Variants in TSBP1 observed in about 807,000 individuals in gnomAD.
TSBP1 encodes testis expressed basic protein 1.
TSBP1 carries 56 observed loss-of-function variants against 68.8 expected under a neutral mutation model. That is an observed-to-expected ratio of 0.81 (90% CI 0.66 to 1.02). TSBP1 has a LOEUF of 1.02. TSBP1 is among the 50% of genes least tolerant of loss of function. The probability of loss-of-function intolerance (pLI) is 0.00; values close to 1 mark genes in which losing one functional copy is unlikely to be tolerated. For missense variants in TSBP1, 502 were observed against 641.2 expected (o/e 0.78, Z 2.34); for synonymous variants, 171 against 208.7 (o/e 0.82, Z 1.56).
In TSBP1 at chr6:32,330,587, A is replaced by G. The variant is rs1768864894; in HGVS notation, c.514+2T>C. The G allele has an allele frequency of 6.2e-7, 1 of 1,608,588 alleles. No individual in the cohort carries two copies. The highest frequency in any genetic ancestry group is 8.5e-7 in the Non-Finnish European group (1 of 1,176,994). On this transcript the variant is annotated splice_donor_variant, in intron 16 of 22. Coordinates refer to ENST00000612031, the Ensembl canonical transcript of TSBP1. LOFTEE classifies it high-confidence loss of function. ...AGGGAGAAGGATAGATAAGGTACTT[A>G]CCATTGGATCCAGGATATTGTACTA...
intron 9 of TSBP1, among the ~76,000 whole-genome samples, chr6:32,347,417 A>G (rs1771167701): frequency 6.6e-6 from 1 of 152,206 alleles, no homozygotes; most frequent in Non-Finnish European, 1.5e-5. Context: ...GAAAAAATCC[A>G]TACCCATATA....
intron 7 of TSBP1, 93 bp from the exon 8 acceptor site, chr6:32,355,237 C>T (rs984770201): frequency 5.6e-5 from 75 of 1,337,536 alleles, no homozygotes; most frequent in Non-Finnish European, 7.9e-5. Flanking sequence ...ACCCCCTTCT[C>T]AGGAGTTAAA....
intron 6 of TSBP1, among the ~76,000 whole-genome samples, chr6:32,358,306 G>A (rs149929931): frequency 3.9e-5 from 6 of 152,204 alleles, no homozygotes; most frequent in South Asian, 4.2e-4. Context: ...AGAAATATGA[G>A]ATGTAAATGA....
rs1051312156 is a variant in TSBP1, at chr6:32,336,322, G to T, written c.430+293C>A. On this transcript the variant is annotated intron_variant, in intron 12 of 22. Transcript: ENST00000612031. This position sits in a 1 kb window ranked among gnomAD's most constrained non-coding sequence, Gnocchi z 5.2. ...TGACTATTTCTAAGAGGGCTGTTTT[G>T]GTTTATATTTTTAAATGTTAGCCTG... Among the ~76,000 whole-genome samples the T allele has an allele frequency of 3.3e-5, 5 of 152,062 alleles. No individual in the cohort carries two copies. The highest frequency in any genetic ancestry group is 1.2e-4 in the African/African-American group (5 of 41,378).
chr6:32,300,670 C>A lies in TSBP1; in HGVS notation c.622+10G>T. ...GAAATAGGTAAGGCAAGGAAATGAT[C>A]CAAACTTACTGATTTTTCCAGAACT... On this transcript the variant is annotated intron_variant, in intron 21 of 22. Transcript: ENST00000612031. 6.2e-7 allele frequency: 1 copy of A among 1,612,334 alleles called. No homozygotes were observed. The highest frequency in any genetic ancestry group is 8.5e-7 in the Non-Finnish European group (1 of 1,179,434).
intron 2 of TSBP1, among the ~76,000 whole-genome samples, chr6:32,369,511 C>T (rs1446518386): frequency 6.6e-6 from 1 of 151,900 alleles, no homozygotes; most frequent in African/African-American, 2.4e-5. Flanking sequence ...GCTAGGCTTA[C>T]AGTTACCTGC....
At position 32,323,139 on chromosome 6, in the gene TSBP1, TAA is replaced by T; in HGVS notation, c.539-4_539-3del. 6.3e-7 allele frequency: 1 copy of T among 1,575,648 alleles called. No individual in the cohort carries two copies. ...TACTTATGGGTGCCATGGGTGGACCTAAAAACCAAAGTAGATATTGGTGAAGA... is the reference window on the plus strand; with the variant it reads ...TACTTATGGGTGCCATGGGTGGACCTAAACCAAAGTAGATATTGGTGAAGA... On this transcript the variant is annotated splice_polypyrimidine_tract_variant and splice_region_variant and intron_variant, in intron 17 of 22. Transcript: ENST00000612031.
rs1259187167 is a variant in TSBP1 at position 32,357,761 on chromosome 6, A to C, written c.218-2092T>G. 1.3e-5 allele frequency among the ~76,000 whole-genome samples: 2 copies of C among 152,214 alleles called. No individual in the cohort carries two copies. Among genetic ancestry groups the C allele is most frequent in the Admixed American group, 1.3e-4 (2 of 15,280 alleles). On this transcript the variant is annotated intron_variant, in intron 6 of 22. Transcript: ENST00000612031. This position sits in a 1 kb window ranked among gnomAD's most constrained non-coding sequence, Gnocchi z 4.7. The stretch of plus-strand genomic sequence containing the variant: ...AGTTAAATATCATTCCAAGGTAGAT[A>C]GTCTGAGCAATTAGGTGAATACAGG...
chr6:32,309,209 C>G (rs570105270), intron 19 of TSBP1, among the ~76,000 whole-genome samples: 1 of 152,280 alleles, frequency 6.6e-6, no homozygotes, highest in East Asian at 1.9e-4. Flanking sequence ...CCTGGCCTCC[C>G]AAAGTGCAGG....
At chr6:32,295,911 C>T (rs1252974902) in intron 22 of TSBP1, among the ~76,000 whole-genome samples, 1 of 145,556 alleles carries the variant, frequency 6.9e-6, no homozygotes, top group African/African-American at 2.6e-5. Context: ...ATGGCACGAT[C>T]TCGGCTCACC....
intron 19 of TSBP1, among the ~76,000 whole-genome samples, chr6:32,308,171 AT>A (rs917464952): frequency 4.0e-5 from 6 of 151,784 alleles, no homozygotes; most frequent in African/African-American, 1.2e-4. Flanking sequence ...TATTTTTCTT[AT>A]TTTTTTATAG....
intron 1 of TSBP1, among the ~76,000 whole-genome samples, chr6:32,371,284 C>T (rs1451132345): frequency 2.0e-5 from 3 of 152,036 alleles, no homozygotes; most frequent in African/African-American, 4.8e-5. Flanking sequence ...GTCTGAAATG[C>T]CCTGTCTATA....
intron 8 of TSBP1, among the ~76,000 whole-genome samples, chr6:32,353,354 A>G (rs1158752293): frequency 6.6e-6 from 1 of 151,978 alleles, no homozygotes; most frequent in Non-Finnish European, 1.5e-5. Context: ...CGAAACAAAA[A>G]ACAAGTATGT....
At chr6:32,368,663 G>A (rs944034868) in intron 3 of TSBP1, 119 bp downstream of exon 3, 1 of 1,055,618 alleles carries the variant, frequency 9.5e-7, no homozygotes, top group African/African-American at 1.5e-5. Context: ...TTCAGTTCAT[G>A]CAATGGTGCA....
In TSBP1 at chr6:32,338,747, C is replaced by T. The variant is rs1769966210; in HGVS notation, c.409+232G>A. Among the ~76,000 whole-genome samples, 1 of 152,084 alleles carries T rather than the reference C, an allele frequency of 6.6e-6. No homozygotes were observed. Among genetic ancestry groups the T allele is most frequent in the African/African-American group, 2.4e-5 (1 of 41,414 alleles). ...TTTCACTTGACCATTTTTTGTTCTTCACTCTTTTCCCTTTGCTGTTGAATC... is the reference window on the plus strand; with the variant it reads ...TTTCACTTGACCATTTTTTGTTCTTTACTCTTTTCCCTTTGCTGTTGAATC... On this transcript the variant is annotated intron_variant, in intron 11 of 22. Coordinates refer to ENST00000612031, the Ensembl canonical transcript of TSBP1. The surrounding 1 kb of genome is among the most constrained non-coding windows in gnomAD (Gnocchi z 5.5).
At chr6:32,367,840 A>T in intron 4 of TSBP1, 85 bp downstream of exon 4, 1 of 1,007,980 alleles carries the variant, frequency 9.9e-7, no homozygotes. Flanking sequence ...GACTCAACAA[A>T]TCATGCTCAA....
In TSBP1 at chr6:32,327,654, C is replaced by CTTTTATTTTCTTTCTTTCTTTT. The variant is rs70993815; in HGVS notation, c.514+2934_514+2935insAAAAGAAAGAAAGAAAATAAAA. On this transcript the variant is annotated intron_variant, in intron 16 of 22. Transcript: ENST00000612031. ...CTTTTGTCAGTCTAATTTTCTTTTTCTTTTTTTTTTTCTTTTTGAGACAGA... is the reference window on the plus strand; with the variant it reads ...CTTTTGTCAGTCTAATTTTCTTTTTCTTTTATTTTCTTTCTTTCTTTTTTTTTTTTTTTCTTTTTGAGACAGA... Among the ~76,000 whole-genome samples, 91 of 147,046 alleles carry CTTTTATTTTCTTTCTTTCTTTT rather than the reference C, an allele frequency of 6.2e-4. 4 individuals are homozygous for CTTTTATTTTCTTTCTTTCTTTT. Among genetic ancestry groups the CTTTTATTTTCTTTCTTTCTTTT allele is most frequent in the Middle Eastern group, 3.5e-3 (1 of 282 alleles).
chr6:32,295,842 CTT>C (rs535371646), intron 22 of TSBP1, among the ~76,000 whole-genome samples: 20,352 of 124,930 alleles, frequency 0.16, 1,321 homozygotes, highest in African/African-American at 0.21. Context: ...AGGAAAATTT[CTT>C]TTTTTTTTTT....
Position 32,292,704 on chromosome 6 carries a change from TATATTTCTTTA to T in TSBP1, c.*266_*276del. On this transcript the variant is annotated 3_prime_UTR_variant, in exon 23 of 23. Transcript: ENST00000612031. This position sits in a 1 kb window ranked among gnomAD's most constrained non-coding sequence, Gnocchi z 4.1. Reference sequence around the variant, plus strand: ...ACATACTTGTCAAAGGAAATTACTATATATTTCTTTAATTAAAATGTTTTACTTCAGAAAGT... The same window carrying T: ...ACATACTTGTCAAAGGAAATTACTATATTAAAATGTTTTACTTCAGAAAGT... 2.4e-6 allele frequency: 1 copy of T among 413,276 alleles called. No individual in the cohort carries two copies. The highest frequency in any genetic ancestry group is 4.0e-5 in the East Asian group (1 of 24,858). The allele number at this position is 413,276 out of a possible 1,614,324, so 25.6% of individuals were successfully genotyped here.
Sources: allele counts gnomAD v4.1 joint callset (sites outside exome capture counted in the v4.1 genomes callset), GRCh38; gene constraint gnomAD v4.1.1; non-coding constraint Gnocchi (gnomAD v3.1); transcripts MANE v1.5; gene names NCBI Gene and HGNC (gene_info 2026-07-23, HGNC 2026-07-21).